FMNL2: variants seen among roughly 807,000 people sequenced by gnomAD.
FMNL2 encodes formin like 2.
Under a neutral mutation model 130.2 loss-of-function variants are expected in FMNL2, and 51 were observed. The observed-to-expected ratio is 0.39, with a 90% CI of 0.31 to 0.49. The LOEUF (loss-of-function observed/expected upper bound fraction) is 0.49, where lower values mean the gene tolerates loss of function less well. Among genes scored for constraint, FMNL2 ranks in the 20% least tolerant of loss-of-function variants. The probability of loss-of-function intolerance (pLI) is 0.85; values close to 1 mark genes in which losing one functional copy is unlikely to be tolerated. For synonymous variants in FMNL2, 465 were observed against 467.1 expected (o/e 1.00, Z 0.06); for missense variants, 977 against 1,316.2 (o/e 0.74, Z 3.99).
intron 1 of FMNL2, among the ~76,000 whole-genome samples, chr2:152,417,546 C>T (rs1187874430): frequency 6.6e-6 from 1 of 152,170 alleles, no homozygotes; most frequent in Non-Finnish European, 1.5e-5. Flanking sequence ...TTCCTGTGAT[C>T]TGTGCACATC....
At chr2:152,558,978 A>G (rs1579959944) in intron 5 of FMNL2, among the ~76,000 whole-genome samples, 155 bp downstream of exon 5, 1 of 152,318 alleles carries the variant, frequency 6.6e-6, no homozygotes, top group East Asian at 1.9e-4. Flanking sequence ...ACTAAAAACA[A>G]ATCACATAAT....
At chr2:152,359,494 TCAC>T (rs1683038451) in intron 1 of FMNL2, among the ~76,000 whole-genome samples, 1 of 147,872 alleles carries the variant, frequency 6.8e-6, no homozygotes, top group Non-Finnish European at 1.5e-5. Context: ...TTTTTTTTTT[TCAC>T]ATAACAGGTA....
chr2:152,549,985 A>G (rs534753422), intron 4 of FMNL2, among the ~76,000 whole-genome samples: 3 of 152,316 alleles, frequency 2.0e-5, no homozygotes, highest in East Asian at 3.9e-4. Flanking sequence ...ATTTTGATGT[A>G]TATATATTGC....
intron 1 of FMNL2, among the ~76,000 whole-genome samples, chr2:152,460,741 C>T (rs948279918): frequency 2.6e-5 from 4 of 152,170 alleles, no homozygotes; most frequent in Non-Finnish European, 4.4e-5. Flanking sequence ...TTGTGAACTG[C>T]ACGTGTGAGG....
At chr2:152,482,725 G>A (rs573417697) in intron 1 of FMNL2, among the ~76,000 whole-genome samples, 1 of 152,294 alleles carries the variant, frequency 6.6e-6, no homozygotes, top group Non-Finnish European at 1.5e-5. Flanking sequence ...CTCAAATGAG[G>A]TCTTTCAAGC....
In FMNL2 at chr2:152,618,809, T is replaced by G. The variant is rs376337496; in HGVS notation, c.1315-37T>G. 276 of 1,521,946 alleles carry G rather than the reference T, an allele frequency of 1.8e-4. 1 individual carries two copies. In the African/African-American group the frequency reaches 3.3e-3, roughly 18 times the overall value. The allele number at this position is 1,521,946 out of a possible 1,614,324, so 94.3% of individuals were successfully genotyped here. A position where few individuals can be genotyped will look rare whatever the true frequency, so the allele number is the denominator to read the frequency against. ...CTGATGCTACTAAGTATGAATGTTA[T>G]GTGAAGATAAACTCTTGACCTTGGA... On this transcript the variant is annotated intron_variant, in intron 13 of 25. Transcript: ENST00000288670.
Position 152,448,171 on chromosome 2 carries a change from A to G in FMNL2, c.118-73772A>G, listed in dbSNP as rs552807325. On this transcript the variant is annotated intron_variant, in intron 1 of 25. Transcript: ENST00000288670. Reference sequence around the variant, plus strand: ...GGAGCTGCTTAAAGATTTTGGCAGTATAGGTTTTTGCACCTAGCATTTGCT... The same window carrying G: ...GGAGCTGCTTAAAGATTTTGGCAGTGTAGGTTTTTGCACCTAGCATTTGCT... Among the ~76,000 whole-genome samples, 4 of 152,162 alleles carry G rather than the reference A, an allele frequency of 2.6e-5. No individual in the cohort carries two copies. In the South Asian group the frequency reaches 8.3e-4, roughly 32 times the overall value.
At chr2:152,506,415 T>C (rs1692173368) in intron 1 of FMNL2, among the ~76,000 whole-genome samples, 1 of 145,534 alleles carries the variant, frequency 6.9e-6, no homozygotes, top group African/African-American at 2.4e-5. Context: ...TTAAATCATG[T>C]CTAGATTACT....
intron 1 of FMNL2, among the ~76,000 whole-genome samples, chr2:152,342,639 C>T (rs1428876701): frequency 1.3e-5 from 2 of 152,186 alleles, no homozygotes; most frequent in South Asian, 2.1e-4. Flanking sequence ...GGTGATCTTC[C>T]TCCCTCCTCC....
At chr2:152,477,720 C>T (rs1047053839) in intron 1 of FMNL2, among the ~76,000 whole-genome samples, 6 of 151,894 alleles carry the variant, frequency 4.0e-5, no homozygotes, top group Non-Finnish European at 5.9e-5. Flanking sequence ...TGGAGGGAAG[C>T]GGGAGATGGA....
intron 23 of FMNL2, 111 bp from the exon 24 acceptor site, chr2:152,639,847 C>G: frequency 6.8e-6 from 5 of 735,152 alleles, no homozygotes; most frequent in South Asian, 3.5e-5. Flanking sequence ...CTCAACCTTC[C>G]ATTTATTGTA....
intron 1 of FMNL2, among the ~76,000 whole-genome samples, chr2:152,482,203 G>A (rs1006294652): frequency 6.6e-6 from 1 of 152,164 alleles, no homozygotes; most frequent in African/African-American, 2.4e-5. Flanking sequence ...CAAAGCCTTA[G>A]CATGTGTACT....
chr2:152,485,545 C>CATAG (rs150390572), intron 1 of FMNL2, among the ~76,000 whole-genome samples: 6 of 152,174 alleles, frequency 3.9e-5, no homozygotes, highest in South Asian at 2.1e-4. Flanking sequence ...CTCTGCCTGT[C>CATAG]ATAGATAGAT....
At chr2:152,643,414 T>C (rs1191399623) in intron 25 of FMNL2, 7 of 1,536,046 alleles carry the variant, frequency 4.6e-6, no homozygotes, top group Admixed American at 2.0e-5. Flanking sequence ...TCATTTTCAA[T>C]GCAGTGCTGA....
At chr2:152,354,959 T>C (rs1387368099) in intron 1 of FMNL2, among the ~76,000 whole-genome samples, 2 of 152,206 alleles carry the variant, frequency 1.3e-5, no homozygotes, top group Non-Finnish European at 2.9e-5. Context: ...ACCCATTCTG[T>C]CAGGCTTCTT....
chr2:152,445,069 T>C (rs936669953), intron 1 of FMNL2, among the ~76,000 whole-genome samples: 1 of 152,248 alleles, frequency 6.6e-6, no homozygotes, highest in Non-Finnish European at 1.5e-5. Context: ...GGAGTCTCCT[T>C]GAATCCCAAG....
intron 9 of FMNL2, among the ~76,000 whole-genome samples, chr2:152,599,307 G>C (rs1697923807): frequency 6.7e-6 from 1 of 150,070 alleles, no homozygotes; most frequent in Non-Finnish European, 1.5e-5. Context: ...ATTGAAGCTA[G>C]AGAGGTTCAG....
intron 3 of FMNL2, among the ~76,000 whole-genome samples, chr2:152,548,294 A>G (rs1165243607): frequency 2.0e-5 from 3 of 152,202 alleles, no homozygotes; most frequent in Non-Finnish European, 4.4e-5. Flanking sequence ...GCCTGCCTGC[A>G]AGGTTGGCCC....
rs1190774736 is a variant in FMNL2, at chr2:152,640,007, T to C, written c.2996T>C (p.Met999Thr). ...AGGAAAAAGCAGGAACAAGCTCTCA[T>C]GGAAAAACTCCTAGAGCAAGAAGCT... ...ELRKKQEQAL[M>T]EKLLEQEALM... The change falls in exon 24 of 26, where the codon ATG (methionine) becomes ACG (threonine). Residue 999 changes from methionine to threonine, a missense_variant. Met to Thr is a moderately conservative substitution (Grantham distance 81). Around this residue, in one of 4 missense-constraint regions of FMNL2, gnomAD observed 168 missense variants for 168.8 expected, o/e 1.00. Coordinates refer to ENST00000288670, the MANE Select transcript of FMNL2 (RefSeq NM_052905.4). 4.5e-6 allele frequency: 7 copies of C among 1,558,418 alleles called. No homozygotes were observed. Among genetic ancestry groups the C allele is most frequent in the Admixed American group, 1.9e-5 (1 of 51,488 alleles).
Sources: allele counts gnomAD v4.1 joint callset (sites outside exome capture counted in the v4.1 genomes callset), GRCh38; gene constraint gnomAD v4.1.1; regional missense constraint gnomAD v4.1.1; transcripts MANE v1.5; gene names NCBI Gene and HGNC (gene_info 2026-07-23, HGNC 2026-07-21).